Variants in CELSR1 observed in about 807,000 individuals in gnomAD.
CELSR1 encodes adhesion G protein-coupled receptor C1.
A neutral mutation model predicts 249.1 loss-of-function variants in CELSR1; 110 were observed. That is an observed-to-expected ratio of 0.44 (90% confidence interval 0.38 to 0.52). The LOEUF (loss-of-function observed/expected upper bound fraction) is 0.52, where lower values mean the gene tolerates loss of function less well. Among genes scored for constraint, CELSR1 ranks in the 20% least tolerant of loss-of-function variants. The pLI, the probability that CELSR1 is intolerant of heterozygous loss-of-function variation, is 0.00. For synonymous variants in CELSR1, 2,113 were observed against 1,900.0 expected, an observed-to-expected ratio of 1.11 and a Z score of -2.92; for missense variants, 4,109 against 4,296.4, an observed-to-expected ratio of 0.96 and a Z score of 1.22.
At chr22:46,524,562 G>GCA (rs2080719430) in intron 1 of CELSR1, among the ~76,000 whole-genome samples, 3 of 124,506 alleles carry the variant, frequency 2.4e-5, no homozygotes, top group South Asian at 5.6e-4. Context: ...GTGTGTGTGT[G>GCA]TGTGTGTGTC....
chr22:46,526,515 C>T lies in CELSR1; in HGVS notation c.3544+7112G>A, dbSNP rs2080740028. Among the ~76,000 whole-genome samples, 1 of 152,192 alleles carries T rather than the reference C, an allele frequency of 6.6e-6. No homozygotes were observed. The highest frequency in any genetic ancestry group is 1.5e-5 in the Non-Finnish European group (1 of 68,034). Reference sequence around the variant, plus strand: ...TCTCAGAGGCACCCCCAAACCACTCCACTCAGATCTCACAGAGGCCACCAA... The same window carrying T: ...TCTCAGAGGCACCCCCAAACCACTCTACTCAGATCTCACAGAGGCCACCAA... On this transcript the variant is annotated intron_variant, in intron 1 of 34. Coordinates refer to ENST00000674500, the MANE Select transcript of CELSR1 (RefSeq NM_001378328.1). This position sits in a 1 kb window ranked among gnomAD's most constrained non-coding sequence, Gnocchi z 4.7.
At position 46,399,670 on chromosome 22, in the gene CELSR1, G is replaced by A. The variant is rs1331061325; in HGVS notation, c.5412+47C>T. 1.9e-6 allele frequency: 3 copies of A among 1,584,270 alleles called. No homozygotes were observed. Among genetic ancestry groups the A allele is most frequent in the African/African-American group, 2.7e-5 (2 of 74,360 alleles). On this transcript the variant is annotated intron_variant, in intron 10 of 34. Coordinates refer to ENST00000674500, the MANE Select transcript of CELSR1 (RefSeq NM_001378328.1). The surrounding 1 kb of genome is among the most constrained non-coding windows in gnomAD (Gnocchi z 5.0). ...AAGGGGTCATTCTGTTTTTCCCTGG[G>A]CCGGAGGAAGGGTCTATCCCCAGAG...
intron 3 of CELSR1, 146 bp downstream of exon 3, chr22:46,439,043 C>G: frequency 1.3e-6 from 1 of 778,788 alleles, no homozygotes; most frequent in Non-Finnish European, 2.1e-6. Flanking sequence ...CAGGCGTGAG[C>G]CACCGCGCCT....
At chr22:46,532,214 A>C (rs2080798853) in intron 1 of CELSR1, among the ~76,000 whole-genome samples, 1 of 152,246 alleles carries the variant, frequency 6.6e-6, no homozygotes, top group Non-Finnish European at 1.5e-5. Flanking sequence ...GTCATTTTTA[A>C]ATAGGCCAAA....
chr22:46,439,416 G>C lies in CELSR1; in HGVS notation c.4184-5C>G. The C allele has an allele frequency of 6.2e-7, 1 of 1,608,732 alleles. No individual in the cohort carries two copies. Among genetic ancestry groups the C allele is most frequent in the South Asian group, 1.1e-5 (1 of 90,590 alleles). On this transcript the variant is annotated splice_polypyrimidine_tract_variant and splice_region_variant and intron_variant, in intron 2 of 34. Transcript: ENST00000674500. ...CATCCACCTCACAGTGCTCTCCTGGGGGGCGAGAGGAAGATGCCAGAGAGG... is the reference window on the plus strand; with the variant it reads ...CATCCACCTCACAGTGCTCTCCTGGCGGGCGAGAGGAAGATGCCAGAGAGG...
rs145790080 is a variant in CELSR1 at position 46,394,196 on chromosome 22, G to C, written c.5910C>G (p.Val1970=). ...TACAGTCGGGATCAAAGCCTTTGCT[G>C]ACGGCACAGTGGCAGGGTCCACAGA... ...NPVCGPCHCA[V]SKGFDPDCNK... The change falls in exon 14 of 35, where the codon GTC becomes GTG. Residue 1970 remains valine, a synonymous_variant. Coordinates refer to ENST00000674500, the MANE Select transcript of CELSR1 (RefSeq NM_001378328.1). 6.2e-7 allele frequency: 1 copy of C among 1,614,104 alleles called. No homozygotes were observed. The highest frequency in any genetic ancestry group is 1.6e-4 in the Middle Eastern group (1 of 6,062).
intron 20 of CELSR1, among the ~76,000 whole-genome samples, chr22:46,383,159 G>A (rs1364116769): frequency 6.6e-6 from 1 of 152,170 alleles, no homozygotes; most frequent in Non-Finnish European, 1.5e-5. Flanking sequence ...TGGCTGCAAT[G>A]GAGAGTCAGG....
rs1569183307 is a variant in CELSR1 at position 46,464,366 on chromosome 22, A to G, written c.3545-21T>C. Reference sequence around the variant, plus strand: ...GCCATCTGCAGACACAAGGAAAGTCAGGGTCATTCAGATGCTGCGGGAGTC... The same window carrying G: ...GCCATCTGCAGACACAAGGAAAGTCGGGGTCATTCAGATGCTGCGGGAGTC... On this transcript the variant is annotated intron_variant, in intron 1 of 34. Coordinates refer to ENST00000674500, the MANE Select transcript of CELSR1 (RefSeq NM_001378328.1). This position sits in a 1 kb window ranked among gnomAD's most constrained non-coding sequence, Gnocchi z 8.5. The G allele has an allele frequency of 1.3e-6, 2 of 1,598,466 alleles. No homozygotes were observed. The highest frequency in any genetic ancestry group is 2.1e-4 in the Middle Eastern group (1 of 4,708).
Position 46,364,257 on chromosome 22 carries a change from A to G in CELSR1, c.8780-6T>C. 6.2e-7 allele frequency: 1 copy of G among 1,606,448 alleles called. No individual in the cohort carries two copies. The highest frequency in any genetic ancestry group is 8.5e-7 in the Non-Finnish European group (1 of 1,179,360). On this transcript the variant is annotated splice_polypyrimidine_tract_variant and splice_region_variant and intron_variant, in intron 33 of 34. Coordinates refer to ENST00000674500, the MANE Select transcript of CELSR1 (RefSeq NM_001378328.1). ...GACTTTATTTTTCAAGATGCCTGGG[A>G]GGAGGAGACACGGCAAGGTCAAGTC...
chr22:46,388,919 G>C (rs903931181), intron 18 of CELSR1, among the ~76,000 whole-genome samples: 9 of 152,212 alleles, frequency 5.9e-5, no homozygotes, highest in African/African-American at 2.2e-4. Context: ...TTAGCTCTCT[G>C]TGCCTCTGTT....
intron 27 of CELSR1, among the ~76,000 whole-genome samples, chr22:46,368,942 GCCAGCCCCCTCCCTTCAGCTAACCTCCT>G (rs1387652070): frequency 1.7e-3 from 253 of 151,898 alleles, no homozygotes; most frequent in African/African-American, 3.0e-3. Context: ...AGGACTGGCT[GCCAGCCCCCTCCCTTCAGCTAACCTCCT>G]CCAGCCCCCT....
In CELSR1 at chr22:46,492,095, G is replaced by A. The variant is rs576539109; in HGVS notation, c.3545-27750C>T. 4.6e-5 allele frequency among the ~76,000 whole-genome samples: 7 copies of A among 152,320 alleles called. No individual in the cohort carries two copies. In the East Asian group the frequency reaches 1.3e-3, roughly 29 times the overall value. ...GCCACGAGAAGGCAACGGTCAGGGCGCTGCGACCTGCAATGGCAGAAGCAG... is the reference window on the plus strand; with the variant it reads ...GCCACGAGAAGGCAACGGTCAGGGCACTGCGACCTGCAATGGCAGAAGCAG... On this transcript the variant is annotated intron_variant, in intron 1 of 34. Coordinates refer to ENST00000674500, the MANE Select transcript of CELSR1 (RefSeq NM_001378328.1).
chr22:46,452,004 G>A (rs1163713996), intron 2 of CELSR1, among the ~76,000 whole-genome samples: 1 of 152,198 alleles, frequency 6.6e-6, no homozygotes, highest in East Asian at 1.9e-4. Flanking sequence ...CAGCCACCAG[G>A]CGCCGGGGAG....
chr22:46,408,646 C>T lies in CELSR1; in HGVS notation c.5226+350G>A, dbSNP rs2079293985. 6.6e-6 allele frequency among the ~76,000 whole-genome samples: 1 copy of T among 152,184 alleles called. No individual in the cohort carries two copies. The highest frequency in any genetic ancestry group is 6.5e-5 in the Admixed American group (1 of 15,282). On this transcript the variant is annotated intron_variant, in intron 9 of 34. Coordinates refer to ENST00000674500, the MANE Select transcript of CELSR1 (RefSeq NM_001378328.1). This position sits in a 1 kb window ranked among gnomAD's most constrained non-coding sequence, Gnocchi z 4.6. The stretch of plus-strand genomic sequence containing the variant: ...CACCACCCCGGCCTGCACCTGGCTG[C>T]AGCTTTAACTGGTGAGGCTCACTGT...
At chr22:46,421,066 T>C (rs1213592335) in intron 5 of CELSR1, among the ~76,000 whole-genome samples, 1 of 152,172 alleles carries the variant, frequency 6.6e-6, no homozygotes, top group Non-Finnish European at 1.5e-5. Flanking sequence ...TGCTTCAGTT[T>C]CCTCATCTGT....
In CELSR1 at chr22:46,436,595, G is replaced by T. The variant is rs2079664698; in HGVS notation, c.4407-306C>A. Reference sequence around the variant, plus strand: ...ACCAGCGGCCAGGACACCTGTTACTGATGTGTTTGGGCAAAGCACGTGCTG... The same window carrying T: ...ACCAGCGGCCAGGACACCTGTTACTTATGTGTTTGGGCAAAGCACGTGCTG... On this transcript the variant is annotated intron_variant, in intron 3 of 34. Transcript: ENST00000674500. The surrounding 1 kb of genome is among the most constrained non-coding windows in gnomAD (Gnocchi z 5.9). Among the ~76,000 whole-genome samples, 1 of 152,172 alleles carries T rather than the reference G, an allele frequency of 6.6e-6. No homozygotes were observed.
intron 2 of CELSR1, among the ~76,000 whole-genome samples, chr22:46,462,096 C>T (rs534012088): frequency 3.3e-5 from 5 of 152,234 alleles, no homozygotes; most frequent in Non-Finnish European, 5.9e-5. Flanking sequence ...GCGGGGGTCT[C>T]CCGCCGCCTC....
chr22:46,400,239 G>T (rs1407255834), intron 9 of CELSR1, among the ~76,000 whole-genome samples: 2 of 152,074 alleles, frequency 1.3e-5, no homozygotes, highest in African/African-American at 4.8e-5. Flanking sequence ...TGGGGCAGGA[G>T]AACTGCTTGA....
rs1403811467 is a variant in CELSR1, at chr22:46,471,161, T to C, written c.3545-6816A>G. ...AACAAAAAAGGAAGGAGTTACTCTT[T>C]CACACAAAACAAAACAAAAAAAATG... On this transcript the variant is annotated intron_variant, in intron 1 of 34. Transcript: ENST00000674500. The surrounding 1 kb of genome is among the most constrained non-coding windows in gnomAD (Gnocchi z 4.9). 3.3e-5 allele frequency among the ~76,000 whole-genome samples: 5 copies of C among 152,052 alleles called. No individual in the cohort carries two copies. The highest frequency in any genetic ancestry group is 5.9e-5 in the Non-Finnish European group (4 of 68,006).
Sources: allele counts gnomAD v4.1 joint callset (sites outside exome capture counted in the v4.1 genomes callset), GRCh38; gene constraint gnomAD v4.1.1; non-coding constraint Gnocchi (gnomAD v3.1); transcripts MANE v1.5; gene names NCBI Gene and HGNC (gene_info 2026-07-23, HGNC 2026-07-21).